The following GABRG2 variants were observed in gnomAD, a reference collection of about 807,000 sequenced individuals.
The protein encoded by GABRG2 is gamma-aminobutyric acid receptor subunit gamma-2.
GABRG2 carries 16 observed loss-of-function variants against 56.4 expected under a neutral mutation model. The ratio of observed to expected loss-of-function variants is 0.28; its 90% CI spans 0.19 to 0.43. The LOEUF is 0.43. Among genes scored for constraint, GABRG2 ranks in the 20% least tolerant of loss-of-function variants. GABRG2 has a pLI of 1.00. For synonymous variants in GABRG2, 208 were observed against 205.5 expected, an observed-to-expected ratio of 1.01 and a Z score of -0.10; for missense variants, 327 against 582.7, an observed-to-expected ratio of 0.56 and a Z score of 4.52.
chr5:162,081,412 G>C (rs1234309934), intron 1 of GABRG2, among the ~76,000 whole-genome samples: 1 of 151,858 alleles, frequency 6.6e-6, no homozygotes, highest in East Asian at 1.9e-4. Context: ...TTGTTCTCTT[G>C]AGTACCATAA....
intron 7 of GABRG2, 55 bp from the exon 8 acceptor site, chr5:162,149,053 G>C: frequency 1.3e-6 from 2 of 1,542,102 alleles, no homozygotes; most frequent in Non-Finnish European, 1.8e-6. Context: ...GAGTGACTCA[G>C]TTACCCAACT....
chr5:162,125,939 G>A (rs1763315162), intron 6 of GABRG2, among the ~76,000 whole-genome samples: 1 of 151,918 alleles, frequency 6.6e-6, no homozygotes, highest in African/African-American at 2.4e-5. Flanking sequence ...TCATGAAATA[G>A]ATATTATGGA....
intron 5 of GABRG2, chr5:162,102,522 G>GTTGTTT (rs796052500): frequency 2.2e-6 from 1 of 453,876 alleles, no homozygotes; most frequent in African/African-American, 2.0e-5. Flanking sequence ...TGTTGTTGTT[G>GTTGTTT]TTGTTGTTTT....
rs750459631 is a variant in GABRG2 at position 162,101,232 on chromosome 5, T to G, written c.549-3T>G. ...ATCTTATGTTTAATATCTTTCTACT[T>G]AGGTTGACAATTGATGCTGAGTGCC... On this transcript the variant is annotated splice_region_variant and splice_polypyrimidine_tract_variant and intron_variant, in intron 4 of 9. Transcript: ENST00000639213. The G allele has an allele frequency of 2.7e-5, 43 of 1,586,276 alleles. No homozygotes were observed. Among genetic ancestry groups the G allele is most frequent in the Non-Finnish European group, 3.7e-5 (43 of 1,155,502 alleles).
chr5:162,105,830 C>T (rs1399783486), intron 6 of GABRG2, among the ~76,000 whole-genome samples: 1 of 151,220 alleles, frequency 6.6e-6, no homozygotes. Flanking sequence ...CACACACACA[C>T]ACACACACAC....
chr5:162,072,576 A>G (rs1758759637), intron 1 of GABRG2, among the ~76,000 whole-genome samples: 1 of 152,070 alleles, frequency 6.6e-6, no homozygotes, highest in Admixed American at 6.6e-5. Flanking sequence ...TTCTGCTGCC[A>G]GGGGATCAGA....
rs929267613 is a variant in GABRG2 at position 162,124,313 on chromosome 5, G to A, written c.770-17851G>A. Among the ~76,000 whole-genome samples the A allele has an allele frequency of 2.6e-5, 4 of 151,894 alleles. 1 individual carries two copies. Among genetic ancestry groups the A allele is most frequent in the African/African-American group, 7.2e-5 (3 of 41,472 alleles). ...ACAACAAATAAAGTGAGTAGAAAGT[G>A]ACCAAAGCATCATCTTTTTTACTGA... On this transcript the variant is annotated intron_variant, in intron 6 of 9. Transcript: ENST00000639213.
chr5:162,106,577 A>C (rs1387960714), intron 6 of GABRG2, among the ~76,000 whole-genome samples: 1 of 152,190 alleles, frequency 6.6e-6, no homozygotes, highest in Non-Finnish European at 1.5e-5. Flanking sequence ...TATGTTTACA[A>C]GTTTCTTGGG....
chr5:162,144,876 C>T (rs1764841076), intron 7 of GABRG2, among the ~76,000 whole-genome samples: 1 of 152,140 alleles, frequency 6.6e-6, no homozygotes, highest in African/African-American at 2.4e-5. Context: ...CACTAGAGGA[C>T]TTTTTGAAGT....
intron 1 of GABRG2, among the ~76,000 whole-genome samples, chr5:162,076,004 T>C (rs1759074559): frequency 6.6e-6 from 1 of 151,214 alleles, no homozygotes. Flanking sequence ...AAAAAAAAAT[T>C]AACTGGGTAT....
chr5:162,121,617 G>T (rs775789330), intron 6 of GABRG2, among the ~76,000 whole-genome samples: 1 of 151,990 alleles, frequency 6.6e-6, no homozygotes, highest in South Asian at 2.1e-4. Context: ...TGATAAGAAG[G>T]TTTCTCCTTT....
intron 6 of GABRG2, among the ~76,000 whole-genome samples, chr5:162,118,652 A>G (rs1417710700): frequency 1.3e-5 from 2 of 152,120 alleles, no homozygotes; most frequent in Non-Finnish European, 2.9e-5. Flanking sequence ...GACACATGAA[A>G]TAAATGAATC....
rs150727562 is a variant in GABRG2, at chr5:162,153,260, G to A, written c.1320G>A (p.Gly440=). ...EDCRTGAWRH[G]RIHIRIAKMD... is the part of the protein sequence containing the mutation. ...GTCGAACAGGAGCTTGGAGACATGG[G>A]AGGATACATATCCGCATTGCCAAAA... The change falls in exon 10 of 10, where the codon GGG becomes GGA. Residue 440 remains glycine, a synonymous_variant. Transcript: ENST00000639213. 3.2e-5 allele frequency: 52 copies of A among 1,613,948 alleles called. No homozygotes were observed. The African/African-American group carries it at 5.9e-4, about 18-fold the overall frequency.
At chr5:162,095,674 T>C (rs1760947632) in intron 3 of GABRG2, 112 bp downstream of exon 3, 2 of 737,128 alleles carry the variant, frequency 2.7e-6, no homozygotes, top group South Asian at 3.1e-5. Flanking sequence ...TTTAAAACTT[T>C]AGAAGTGAAA....
intron 6 of GABRG2, among the ~76,000 whole-genome samples, chr5:162,127,976 T>C (rs1763461875): frequency 6.6e-6 from 1 of 151,994 alleles, no homozygotes; most frequent in African/African-American, 2.4e-5. Flanking sequence ...TGTGAAGTTA[T>C]GCAGGAGGTG....
rs184207750 is a variant in GABRG2 at position 162,151,779 on chromosome 5, C to T, written c.1152+26C>T. On this transcript the variant is annotated intron_variant, in intron 9 of 9. Transcript: ENST00000639213. ...GTATAATGTTTTTGGAATGGAAATTCACTGCATGCAACTGCTAAATTTAAC... is the reference window on the plus strand; with the variant it reads ...GTATAATGTTTTTGGAATGGAAATTTACTGCATGCAACTGCTAAATTTAAC... 3.1e-4 allele frequency: 501 copies of T among 1,599,698 alleles called. 3 individuals are homozygous for T. The African/African-American group carries it at 6.3e-3, about 20-fold the overall frequency.
chr5:162,120,916 C>G (rs1561651371), intron 6 of GABRG2, among the ~76,000 whole-genome samples: 1 of 152,078 alleles, frequency 6.6e-6, no homozygotes, highest in Non-Finnish European at 1.5e-5. Flanking sequence ...CAATTAGATA[C>G]TTTGTTCATT....
At chr5:162,141,230 G>A (rs970233357) in intron 6 of GABRG2, among the ~76,000 whole-genome samples, 5 of 152,020 alleles carry the variant, frequency 3.3e-5, no homozygotes, top group African/African-American at 7.2e-5. Flanking sequence ...GTAGAGACGG[G>A]GTTTCACCGT....
chr5:162,119,738 T>C (rs1259245481), intron 6 of GABRG2, among the ~76,000 whole-genome samples: 3 of 152,178 alleles, frequency 2.0e-5, no homozygotes, highest in African/African-American at 4.8e-5. Context: ...CATCAATGCC[T>C]ACATGCTTCA....
Sources: allele counts gnomAD v4.1 joint callset (sites outside exome capture counted in the v4.1 genomes callset), GRCh38; gene constraint gnomAD v4.1.1; transcripts MANE v1.5; gene names NCBI Gene and HGNC (gene_info 2026-07-23, HGNC 2026-07-21).